The following PI15 variants were observed in gnomAD, a reference collection of about 807,000 sequenced individuals.
PI15 encodes the protein 25 kDa trypsin inhibitor.
PI15 carries 18 observed loss-of-function variants against 31.0 expected under a neutral mutation model. The ratio of observed to expected loss-of-function variants is 0.58; its 90% CI spans 0.40 to 0.86. The LOEUF (loss-of-function observed/expected upper bound fraction) is 0.86. Ranked by LOEUF, PI15 falls within the 40% of genes least tolerant of loss-of-function variation. The pLI is 0.00. For missense variants in PI15, 282 were observed against 328.1 expected, an observed-to-expected ratio of 0.86 and a Z score of 1.09; for synonymous variants, 118 against 119.1, an observed-to-expected ratio of 0.99 and a Z score of 0.06.
At position 74,824,616 on chromosome 8, in the gene PI15, C is replaced by T. The variant is rs539511104; in HGVS notation, c.-100C>T. 37 of 152,508 alleles carry T rather than the reference C, an allele frequency of 2.4e-4. No individual in the cohort carries two copies. The highest frequency in any genetic ancestry group is 8.7e-4 in the African/African-American group (36 of 41,566). 9.4% of individuals were successfully genotyped at this position (152,508 alleles called of 1,614,324 possible). ...CCTCTTACAAGAGTTCATGCTACCACATAGCAAAGAACCTTAAATTTTTGG... is the reference window on the plus strand; with the variant it reads ...CCTCTTACAAGAGTTCATGCTACCATATAGCAAAGAACCTTAAATTTTTGG... On this transcript the variant is annotated 5_prime_UTR_variant, in exon 1 of 6. Transcript: ENST00000260113.
rs1810678652 is a variant in PI15 at position 74,825,347 on chromosome 8, C to T, written c.98C>T (p.Pro33Leu). Residue 33 changes from proline to leucine, a missense_variant, in exon 2 of 6, where the codon CCA becomes CTA. Transcript: ENST00000260113. ...VLLNSTDSSP[P>L]TNNFTDIEAA... ...CTCAATTCCACTGACTCATCCCCGC[C>T]AACCAATAATTTCACTGATATTGAA... is the stretch of plus-strand genomic sequence containing the variant. 6.2e-7 allele frequency: 1 copy of T among 1,613,362 alleles called. No individual in the cohort carries two copies. The highest frequency in any genetic ancestry group is 1.3e-5 in the African/African-American group (1 of 74,964).
chr8:74,828,202 A>G (rs1434380928), intron 2 of PI15, among the ~76,000 whole-genome samples: 2 of 152,076 alleles, frequency 1.3e-5, no homozygotes, highest in African/African-American at 4.8e-5. Flanking sequence ...GCTTGTGGTA[A>G]GGGTTTGATT....
At chr8:74,846,804 G>A (rs1811033117) in intron 5 of PI15, among the ~76,000 whole-genome samples, 1 of 152,028 alleles carries the variant, frequency 6.6e-6, no homozygotes, top group South Asian at 2.1e-4. Context: ...GAGAGAGAAA[G>A]AGAGAGAGGA....
In PI15 at chr8:74,845,183, G is replaced by GC. The variant is rs1811007357; in HGVS notation, c.449dup (p.Pro152SerfsTer73). ...ATGGTATGATGAAGTGAAAGATTAT[G>GC]CTTTTCCATATCCCCAGGATTGCAA... On this transcript the variant is annotated frameshift_variant, in exon 4 of 6. Transcript: ENST00000260113. LOFTEE classifies it high-confidence loss of function. The GC allele has an allele frequency of 6.2e-7, 1 of 1,612,354 alleles. No homozygotes were observed. The highest frequency in any genetic ancestry group is 1.3e-5 in the African/African-American group (1 of 74,854).
rs898824014 is a variant in PI15, at chr8:74,853,535, T to C, written c.*4282T>C. ...TAGCTTGGCAATGTCCAAAGTCAAA[T>C]ATCACCTAAACTGGTTAGATTACTT... On this transcript the variant is annotated 3_prime_UTR_variant, in exon 6 of 6. Coordinates refer to ENST00000260113, the MANE Select transcript of PI15 (RefSeq NM_015886.5). 1.3e-5 allele frequency: 2 copies of C among 152,506 alleles called. No individual in the cohort carries two copies. Among genetic ancestry groups the C allele is most frequent in the Non-Finnish European group, 1.5e-5 (1 of 67,942 alleles). 9.4% of individuals were successfully genotyped at this position (152,506 alleles called of 1,614,324 possible). A position where few individuals can be genotyped will look rare whatever the true frequency, so the allele number is the denominator to read the frequency against.
chr8:74,849,407 A>C lies in PI15; in HGVS notation c.*154A>C, dbSNP rs1694250989. On this transcript the variant is annotated 3_prime_UTR_variant, in exon 6 of 6. Transcript: ENST00000260113. ...TTGTATAAATTAGTGTTTGTCTAGC[A>C]TGTTTGTTTAATCCTTTGAAATATT... 1 of 522,588 alleles carries C rather than the reference A, an allele frequency of 1.9e-6. No homozygotes were observed. Among genetic ancestry groups the C allele is most frequent in the Non-Finnish European group, 3.3e-6 (1 of 306,554 alleles). The allele number at this position is 522,588 out of a possible 1,614,324, so 32.4% of individuals were successfully genotyped here.
At position 74,844,074 on chromosome 8, in the gene PI15, CA is replaced by C; in HGVS notation, c.371del (p.Asn124IlefsTer23). On this transcript the variant is annotated frameshift_variant, in exon 3 of 6. Coordinates refer to ENST00000260113, the MANE Select transcript of PI15 (RefSeq NM_015886.5). LOFTEE classifies it high-confidence loss of function. Reference protein sequence around the residue: ...GPSYLLRFLGQNLSVRTGRYR... With the variant: ...GPSYLLRFLGXNLSVRTGRYR... ...TTCTTACTTACTGAGATTTTTGGGC[CA>C]AAATCTATCTGTACGCACTGGAAGG... 4 of 1,543,354 alleles carry C rather than the reference CA, an allele frequency of 2.6e-6. No homozygotes were observed. Among genetic ancestry groups the C allele is most frequent in the Non-Finnish European group, 2.7e-6 (3 of 1,115,528 alleles).
At chr8:74,849,073 A>C in intron 5 of PI15, 45 bp from the exon 6 acceptor site, 2 of 1,572,362 alleles carry the variant, frequency 1.3e-6, no homozygotes, top group Non-Finnish European at 1.7e-6. Context: ...CTTTTAAAAA[A>C]TGGGTGGGTT....
intron 3 of PI15, 80 bp from the exon 4 acceptor site, chr8:74,845,048 C>A: frequency 8.3e-7 from 1 of 1,198,168 alleles, no homozygotes; most frequent in South Asian, 1.3e-5. Context: ...GCAAAAAGAA[C>A]AATCAATTTA....
chr8:74,841,638 T>A (rs1490647212), intron 2 of PI15, among the ~76,000 whole-genome samples: 1 of 152,236 alleles, frequency 6.6e-6, no homozygotes, highest in Non-Finnish European at 1.5e-5. Context: ...TATAATTTGT[T>A]AATAACCTTT....
chr8:74,848,959 T>C (rs780338495), intron 5 of PI15, among the ~76,000 whole-genome samples, 159 bp from the exon 6 acceptor site: 3 of 152,034 alleles, frequency 2.0e-5, no homozygotes, highest in Non-Finnish European at 4.4e-5. Flanking sequence ...TAAGTTACTA[T>C]TGAAATAAGA....
chr8:74,845,108 TTTC>T lies in PI15; in HGVS notation c.393-17_393-15del, dbSNP rs777011670. 7.5e-5 allele frequency: 120 copies of T among 1,606,066 alleles called. No individual in the cohort carries two copies. In the Middle Eastern group the frequency reaches 2.2e-3, roughly 29 times the overall value. ...ATTACCACTGCTGCACTCTGATTTC[TTTC>T]TTTTCTTTATATGCAGATATCGCTC... On this transcript the variant is annotated splice_polypyrimidine_tract_variant and intron_variant, in intron 3 of 5. Coordinates refer to ENST00000260113, the MANE Select transcript of PI15 (RefSeq NM_015886.5).
intron 3 of PI15, 21 bp from the exon 4 acceptor site, chr8:74,845,107 C>A (rs776619733): frequency 6.2e-7 from 1 of 1,604,890 alleles, no homozygotes; most frequent in Non-Finnish European, 8.5e-7. Context: ...ACTCTGATTT[C>A]TTTCTTTTCT....
intron 2 of PI15, among the ~76,000 whole-genome samples, chr8:74,828,015 ATTAAATATTTAATATTTG>A (rs1263088549): frequency 2.0e-5 from 3 of 152,142 alleles, no homozygotes; most frequent in Admixed American, 6.6e-5. Flanking sequence ...TTTAATATTT[ATTAAATATTTAATATTTG>A]TTAAGCATTG....
rs922696940 is a variant in PI15 at position 74,825,282 on chromosome 8, C to T, written c.33C>T (p.Leu11=). ...CAATCTCTGCCGTCAGCAGTGCACT[C>T]CTGTTCTCCCTTCTCTGTGAAGCAA... MIAISAVSSA[L]LFSLLCEAST... is the part of the protein sequence containing the mutation. Residue 11 remains leucine (L), a synonymous_variant, in exon 2 of 6, where the codon CTC becomes CTT. Coordinates refer to ENST00000260113, the MANE Select transcript of PI15 (RefSeq NM_015886.5). 2.5e-6 allele frequency: 4 copies of T among 1,613,380 alleles called. No homozygotes were observed. The African/African-American group carries it at 5.3e-5, about 22-fold the overall frequency.
chr8:74,850,688 A>G lies in PI15; in HGVS notation c.*1435A>G, dbSNP rs1563571667. The G allele has an allele frequency of 1.3e-5, 2 of 152,178 alleles. No homozygotes were observed. The highest frequency in any genetic ancestry group is 2.9e-5 in the Non-Finnish European group (2 of 68,014). The allele number at this position is 152,178 out of a possible 1,614,324, so 9.4% of individuals were successfully genotyped here. On this transcript the variant is annotated 3_prime_UTR_variant, in exon 6 of 6. Transcript: ENST00000260113. Reference sequence around the variant, plus strand: ...GTAGAAGAAACATTTTCAGTTCTTCATTGAGTTTGATTATGGAAATCCATT... The same window carrying G: ...GTAGAAGAAACATTTTCAGTTCTTCGTTGAGTTTGATTATGGAAATCCATT...
chr8:74,839,801 T>C (rs1228769689), intron 2 of PI15, among the ~76,000 whole-genome samples: 1 of 152,190 alleles, frequency 6.6e-6, no homozygotes, highest in African/African-American at 2.4e-5. Flanking sequence ...CTTTCTTCCA[T>C]TGATACATCT....
chr8:74,826,788 G>A (rs1810705925), intron 2 of PI15, among the ~76,000 whole-genome samples: 4 of 151,996 alleles, frequency 2.6e-5, no homozygotes, highest in Non-Finnish European at 5.9e-5. Context: ...ACACAGCATT[G>A]TTGTGAGAAA....
At position 74,849,295 on chromosome 8, in the gene PI15, A is replaced by G; in HGVS notation, c.*42A>G. The G allele has an allele frequency of 6.6e-7, 1 of 1,518,888 alleles. No homozygotes were observed. Among genetic ancestry groups the G allele is most frequent in the Non-Finnish European group, 9.1e-7 (1 of 1,100,900 alleles). 94.1% of individuals were successfully genotyped at this position (1,518,888 alleles called of 1,614,324 possible). A position where few individuals can be genotyped will look rare whatever the true frequency, so the allele number is the denominator to read the frequency against. Reference sequence around the variant, plus strand: ...AGGAAATATAATGATTTCTGGGAACATGGGCATGTATATATATATATGGAG... The same window carrying G: ...AGGAAATATAATGATTTCTGGGAACGTGGGCATGTATATATATATATGGAG... On this transcript the variant is annotated 3_prime_UTR_variant, in exon 6 of 6. Transcript: ENST00000260113.
Sources: allele counts gnomAD v4.1 joint callset (sites outside exome capture counted in the v4.1 genomes callset), GRCh38; gene constraint gnomAD v4.1.1; transcripts MANE v1.5; gene names NCBI Gene and HGNC (gene_info 2026-07-23, HGNC 2026-07-21).